Variants in CMIP observed in about 807,000 individuals in gnomAD.
CMIP encodes C-Maf-inducing protein.
In CMIP, 13 loss-of-function variants were observed where a neutral mutation model predicts 97.3. The observed-to-expected ratio is 0.13, with a 90% CI of 0.09 to 0.21. The LOEUF (loss-of-function observed/expected upper bound fraction) is 0.21, where lower values mean the gene tolerates loss of function less well. Among genes scored for constraint, CMIP ranks in the 10% least tolerant of loss-of-function variants. The pLI, the probability that CMIP is intolerant of heterozygous loss-of-function variation, is 1.00. For synonymous variants in CMIP, 538 were observed against 436.3 expected (o/e 1.23, Z -2.91); for missense variants, 847 against 1,024.9 (o/e 0.83, Z 2.37).
At position 81,449,677 on chromosome 16, in the gene CMIP, C is replaced by G. The variant is rs574734197; in HGVS notation, c.300+4136C>G. Among the ~76,000 whole-genome samples, 196 of 151,946 alleles carry G rather than the reference C, an allele frequency of 1.3e-3. 1 individual carries two copies. The highest frequency in any genetic ancestry group is 2.5e-3 in the Non-Finnish European group (168 of 67,980). The stretch of plus-strand genomic sequence containing the variant: ...CAGTAAACACACAGATTTCCCCCCC[C>G]CCCTTTCCATGCCATTTGTCATAGG... On this transcript the variant is annotated intron_variant, in intron 1 of 20. Coordinates refer to ENST00000537098, the MANE Select transcript of CMIP (RefSeq NM_198390.3).
chr16:81,583,270 G>A (rs999963530), intron 1 of CMIP, among the ~76,000 whole-genome samples: 1 of 152,240 alleles, frequency 6.6e-6, no homozygotes, highest in Non-Finnish European at 1.5e-5. Flanking sequence ...ATGTCTGTGC[G>A]AATGTCCCCA....
intron 1 of CMIP, among the ~76,000 whole-genome samples, chr16:81,586,972 C>T (rs541582656): frequency 1.1e-3 from 167 of 152,336 alleles, no homozygotes; most frequent in Middle Eastern, 3.4e-3. Flanking sequence ...AGGTATTCAC[C>T]TAAGTCTGTT....
rs1458686062 is a variant in CMIP at position 81,616,986 on chromosome 16, A to T, written c.427-3890A>T. On this transcript the variant is annotated intron_variant, in intron 2 of 20. Transcript: ENST00000537098. The surrounding 1 kb of genome is among the most constrained non-coding windows in gnomAD (Gnocchi z 4.7). Reference sequence around the variant, plus strand: ...AGATCTGTCAGCCATCCCTGCCAACAACTCAGCAGTGGGCCGGACCCAGTC... The same window carrying T: ...AGATCTGTCAGCCATCCCTGCCAACTACTCAGCAGTGGGCCGGACCCAGTC... The T allele has an allele frequency of 1.3e-5, 2 of 152,668 alleles. No homozygotes were observed. Among genetic ancestry groups the T allele is most frequent in the Non-Finnish European group, 2.9e-5 (2 of 68,314 alleles). 9.5% of individuals were successfully genotyped at this position (152,668 alleles called of 1,614,324 possible).
intron 3 of CMIP, among the ~76,000 whole-genome samples, chr16:81,637,705 G>T (rs2092254289): frequency 6.6e-6 from 1 of 152,178 alleles, no homozygotes; most frequent in African/African-American, 2.4e-5. Context: ...GCTGGTGGGG[G>T]AGGCAGCTGG....
At chr16:81,705,443 A>C in intron 18 of CMIP, 56 bp from the exon 19 acceptor site, 1 of 1,279,206 alleles carries the variant, frequency 7.8e-7, no homozygotes, top group Non-Finnish European at 1.1e-6. Context: ...CCCCAGCCTC[A>C]GAGTCACTTC....
intron 1 of CMIP, among the ~76,000 whole-genome samples, chr16:81,555,765 A>G (rs1160550887): frequency 1.3e-5 from 2 of 152,166 alleles, no homozygotes; most frequent in African/African-American, 4.8e-5. Flanking sequence ...TCCAGCATAG[A>G]TGAAACCCCT....
intron 9 of CMIP, among the ~76,000 whole-genome samples, chr16:81,674,184 G>A (rs4889362): frequency 0.31 from 47,595 of 152,050 alleles, 7,679 homozygotes; most frequent in Middle Eastern, 0.38. Context: ...GGGACTCCAG[G>A]GGCCAGAATG....
chr16:81,638,452 ACT>A (rs1034291944), intron 3 of CMIP, among the ~76,000 whole-genome samples: 5 of 151,254 alleles, frequency 3.3e-5, no homozygotes, highest in Admixed American at 2.6e-4. Flanking sequence ...CCTGCACGGG[ACT>A]CTCTGAGGGG....
chr16:81,604,273 G>A (rs2091704599), intron 1 of CMIP, among the ~76,000 whole-genome samples: 1 of 151,404 alleles, frequency 6.6e-6, no homozygotes, highest in African/African-American at 2.4e-5. Context: ...GCGCACGCCT[G>A]TAATCCCAGC....
chr16:81,645,363 C>A (rs1207040440), intron 3 of CMIP: 3 of 1,438,368 alleles, frequency 2.1e-6, no homozygotes, highest in African/African-American at 2.8e-5. Context: ...TGGGTGTGTA[C>A]GCGCGCGAGC....
chr16:81,586,380 G>T (rs948650284), intron 1 of CMIP, among the ~76,000 whole-genome samples: 4 of 152,204 alleles, frequency 2.6e-5, no homozygotes, highest in Non-Finnish European at 5.9e-5. Flanking sequence ...ATAGTAGAAA[G>T]AGATAGTCGT....
chr16:81,595,630 C>G (rs1234973569), intron 1 of CMIP, among the ~76,000 whole-genome samples: 1 of 152,176 alleles, frequency 6.6e-6, no homozygotes, highest in Non-Finnish European at 1.5e-5. Flanking sequence ...CTCAAGTGAT[C>G]TGCCCACCTC....
At chr16:81,596,674 CT>C (rs2091562985) in intron 1 of CMIP, among the ~76,000 whole-genome samples, 1 of 152,130 alleles carries the variant, frequency 6.6e-6, no homozygotes, top group Non-Finnish European at 1.5e-5. Flanking sequence ...TCCTATTTGC[CT>C]TTTTCCAGCG....
At chr16:81,575,768 G>C (rs543321304) in intron 1 of CMIP, among the ~76,000 whole-genome samples, 1 of 152,158 alleles carries the variant, frequency 6.6e-6, no homozygotes, top group Admixed American at 6.5e-5. Context: ...TCCTGCCTCT[G>C]GTCCTTCCTG....
intron 1 of CMIP, among the ~76,000 whole-genome samples, chr16:81,537,030 T>C (rs556868537): frequency 4.6e-5 from 7 of 152,174 alleles, no homozygotes; most frequent in Non-Finnish European, 8.8e-5. Context: ...TTGTTTGGCA[T>C]GTATGATTTT....
At chr16:81,473,393 C>T (rs150412322) in intron 1 of CMIP, among the ~76,000 whole-genome samples, 5 of 152,266 alleles carry the variant, frequency 3.3e-5, no homozygotes, top group East Asian at 3.9e-4. Context: ...CTCTTTGACC[C>T]GGCAGAGGCT....
At chr16:81,542,450 T>C (rs1280994413) in intron 1 of CMIP, among the ~76,000 whole-genome samples, 4 of 152,034 alleles carry the variant, frequency 2.6e-5, no homozygotes, top group Non-Finnish European at 5.9e-5. Context: ...GCGTGCGTGA[T>C]CTTGAGAGGC....
chr16:81,553,487 GAAGA>G (rs1567575345), intron 1 of CMIP, among the ~76,000 whole-genome samples: 1 of 149,714 alleles, frequency 6.7e-6, no homozygotes, highest in Non-Finnish European at 1.5e-5. Flanking sequence ...GTCGTCTGAT[GAAGA>G]GCATATATTC....
At chr16:81,618,433 C>T (rs1222132134) in intron 2 of CMIP, 1 of 152,226 alleles carries the variant, frequency 6.6e-6, no homozygotes, top group Non-Finnish European at 1.5e-5. Flanking sequence ...CATCCAGAGT[C>T]CCGTTGCCAC....
Sources: allele counts gnomAD v4.1 joint callset (sites outside exome capture counted in the v4.1 genomes callset), GRCh38; gene constraint gnomAD v4.1.1; non-coding constraint Gnocchi (gnomAD v3.1); transcripts MANE v1.5; gene names NCBI Gene and HGNC (gene_info 2026-07-23, HGNC 2026-07-21).